PDZRN3: variants seen among roughly 807,000 people sequenced by gnomAD.
PDZRN3 encodes PDZ domain containing ring finger 3.
A neutral mutation model predicts 85.7 loss-of-function variants in PDZRN3; 38 were observed. That is an observed-to-expected ratio of 0.44 (90% confidence interval 0.34 to 0.58). PDZRN3 has a LOEUF of 0.58. Ranked by LOEUF, PDZRN3 falls within the 20% of genes least tolerant of loss-of-function variation. PDZRN3 has a pLI of 0.01. For synonymous variants in PDZRN3, 759 were observed against 638.0 expected, an observed-to-expected ratio of 1.19 and a Z score of -2.86; for missense variants, 1,629 against 1,506.4, an observed-to-expected ratio of 1.08 and a Z score of -1.35.
chr3:73,513,073 G>T (rs1218901449), intron 3 of PDZRN3, among the ~76,000 whole-genome samples: 2 of 152,136 alleles, frequency 1.3e-5, no homozygotes, highest in Admixed American at 1.3e-4. Context: ...TGTTGCGGAG[G>T]CTGCAGCCAC....
chr3:73,541,839 C>T (rs543443534), intron 3 of PDZRN3, among the ~76,000 whole-genome samples: 6 of 152,246 alleles, frequency 3.9e-5, no homozygotes, highest in Admixed American at 3.3e-4. Flanking sequence ...GAGACCACAT[C>T]TTATTTTATT....
chr3:73,568,885 T>G (rs957019854), intron 3 of PDZRN3, among the ~76,000 whole-genome samples: 3 of 152,252 alleles, frequency 2.0e-5, no homozygotes, highest in Non-Finnish European at 4.4e-5. Context: ...TAACTGTTTC[T>G]ATTTGATTCA....
intron 3 of PDZRN3, among the ~76,000 whole-genome samples, chr3:73,420,088 A>G (rs1200671793): frequency 6.6e-6 from 1 of 152,206 alleles, no homozygotes; most frequent in Non-Finnish European, 1.5e-5. Context: ...TCTGGATACG[A>G]GACAGTGTAG....
intron 3 of PDZRN3, among the ~76,000 whole-genome samples, chr3:73,498,579 G>C (rs1351661793): frequency 6.6e-6 from 1 of 151,748 alleles, no homozygotes; most frequent in African/African-American, 2.4e-5. Flanking sequence ...AGCCCACAGT[G>C]ATTCATAACT....
At chr3:73,418,610 T>C (rs574808336) in intron 3 of PDZRN3, among the ~76,000 whole-genome samples, 1 of 152,288 alleles carries the variant, frequency 6.6e-6, no homozygotes, top group East Asian at 1.9e-4. Context: ...TAGCTACAAC[T>C]CCACAATCTC....
chr3:73,387,328 A>G (rs985676761), intron 8 of PDZRN3, among the ~76,000 whole-genome samples: 1 of 152,218 alleles, frequency 6.6e-6, no homozygotes, highest in South Asian at 2.1e-4. Context: ...CACCTGGGTG[A>G]GTTCATGATT....
rs541913129 is a variant in PDZRN3 at position 73,464,260 on chromosome 3, T to TA, written c.919-59866dup. Among the ~76,000 whole-genome samples the TA allele has an allele frequency of 3.5e-3, 531 of 152,254 alleles. 1 individual carries two copies. The highest frequency in any genetic ancestry group is 0.012 in the African/African-American group (506 of 41,570). On this transcript the variant is annotated intron_variant, in intron 3 of 9. Transcript: ENST00000263666. ...TCGGCCTCCCAAAGTGCTGGGATTA[T>TA]AGGCGTGAGCCATGGTGCCTGGCCC...
chr3:73,583,608 C>T (rs75991500), intron 3 of PDZRN3, among the ~76,000 whole-genome samples: 2,175 of 152,162 alleles, frequency 0.014, 50 homozygotes, highest in African/African-American at 0.05. Flanking sequence ...CTTCAGGACC[C>T]AAAACAAAAT....
intron 3 of PDZRN3, among the ~76,000 whole-genome samples, chr3:73,528,268 G>A (rs1286466857): frequency 3.3e-5 from 5 of 152,210 alleles, no homozygotes; most frequent in African/African-American, 7.2e-5. Flanking sequence ...CAGGAAGGCT[G>A]ACTATCTGTT....
chr3:73,435,822 C>T (rs1214415282), intron 3 of PDZRN3, among the ~76,000 whole-genome samples: 1 of 152,194 alleles, frequency 6.6e-6, no homozygotes, highest in African/African-American at 2.4e-5. Flanking sequence ...AAAGGGATGA[C>T]TCCACCGTTT....
intron 3 of PDZRN3, among the ~76,000 whole-genome samples, chr3:73,526,922 C>T (rs1704538099): frequency 6.6e-6 from 1 of 151,980 alleles, no homozygotes; most frequent in South Asian, 2.1e-4. Flanking sequence ...GATCTTGGCT[C>T]ACTGCAACCT....
intron 3 of PDZRN3, among the ~76,000 whole-genome samples, chr3:73,510,797 T>C (rs564552284): frequency 6.6e-6 from 1 of 152,346 alleles, no homozygotes; most frequent in South Asian, 2.1e-4. Flanking sequence ...GTTTAATTTA[T>C]AGATCAGGCA....
chr3:73,597,691 T>C (rs1247607032), intron 3 of PDZRN3, among the ~76,000 whole-genome samples: 8 of 151,438 alleles, frequency 5.3e-5, no homozygotes, highest in African/African-American at 1.5e-4. Context: ...TGAGAAAGAA[T>C]TTCAGTGGAG....
chr3:73,533,059 G>C (rs1704696343), intron 3 of PDZRN3, among the ~76,000 whole-genome samples: 1 of 152,070 alleles, frequency 6.6e-6, no homozygotes, highest in African/African-American at 2.4e-5. Context: ...ACGTCCATAG[G>C]TTTCATATTT....
chr3:73,386,216 C>T (rs1172111117), intron 8 of PDZRN3, among the ~76,000 whole-genome samples: 2 of 83,112 alleles, frequency 2.4e-5, no homozygotes, highest in African/African-American at 7.1e-5. Context: ...TTGGCTTGGG[C>T]AAGATATCAC....
chr3:73,619,922 G>A (rs1360060999), intron 1 of PDZRN3, among the ~76,000 whole-genome samples: 1 of 152,248 alleles, frequency 6.6e-6, no homozygotes, highest in Non-Finnish European at 1.5e-5. Context: ...AAGAGTGTCT[G>A]AGACAAAGGC....
intron 3 of PDZRN3, among the ~76,000 whole-genome samples, chr3:73,500,430 C>A (rs1273994531): frequency 6.6e-6 from 1 of 152,138 alleles, no homozygotes; most frequent in Non-Finnish European, 1.5e-5. Flanking sequence ...ATACTCCCCT[C>A]TCCAACCCCA....
intron 3 of PDZRN3, among the ~76,000 whole-genome samples, chr3:73,590,862 A>C (rs1437484885): frequency 1.3e-5 from 2 of 152,188 alleles, no homozygotes; most frequent in Non-Finnish European, 2.9e-5. Flanking sequence ...ACACAATCAT[A>C]CTTAATCGAT....
intron 3 of PDZRN3, among the ~76,000 whole-genome samples, chr3:73,598,384 A>T (rs1350715681): frequency 6.6e-6 from 1 of 152,198 alleles, no homozygotes; most frequent in Non-Finnish European, 1.5e-5. Context: ...AATTAAATTT[A>T]GTTTTCTAAC....
Sources: allele counts gnomAD v4.1 joint callset (sites outside exome capture counted in the v4.1 genomes callset), GRCh38; gene constraint gnomAD v4.1.1; transcripts MANE v1.5; gene names NCBI Gene and HGNC (gene_info 2026-07-23, HGNC 2026-07-21).